Variants in IBTK observed in about 807,000 individuals in gnomAD.
IBTK encodes the protein inhibitor of Bruton tyrosine kinase.
A neutral mutation model predicts 154.9 loss-of-function variants in IBTK; 83 were observed. The observed-to-expected ratio is 0.54, with a 90% CI of 0.45 to 0.64. The LOEUF is 0.64. Among genes scored for constraint, IBTK ranks in the 30% least tolerant of loss-of-function variants. The probability of loss-of-function intolerance (pLI) is 0.00; values close to 1 mark genes in which losing one functional copy is unlikely to be tolerated. For missense variants in IBTK, 1,332 were observed against 1,584.6 expected (o/e 0.84, Z 2.71); for synonymous variants, 515 against 536.1 (o/e 0.96, Z 0.54).
At chr6:82,212,827 T>C in intron 12 of IBTK, 34 bp from the exon 13 acceptor site, 1 of 1,174,034 alleles carries the variant, frequency 8.5e-7, no homozygotes, top group Non-Finnish European at 1.3e-6. Context: ...ACAATTGATA[T>C]TCCCCTACAA....
intron 1 of IBTK, among the ~76,000 whole-genome samples, chr6:82,241,792 T>C (rs1442474434): frequency 6.6e-6 from 1 of 152,234 alleles, no homozygotes; most frequent in Admixed American, 6.5e-5. Context: ...CCTTAATGTG[T>C]AGTCTTTGGG....
intron 19 of IBTK, among the ~76,000 whole-genome samples, chr6:82,201,113 T>C (rs954184595): frequency 3.3e-5 from 5 of 152,138 alleles, no homozygotes; most frequent in Non-Finnish European, 7.4e-5. Flanking sequence ...ATTCATTTCT[T>C]AGGGATCATA....
chr6:82,170,244 GGATCAA>G lies in IBTK; in HGVS notation c.*1175_*1180del, dbSNP rs1767886999. On this transcript the variant is annotated 3_prime_UTR_variant, in exon 29 of 29. Transcript: ENST00000306270. ...AATGTCAAGCACACATTAGTGAAAT[GGATCAA>G]GATCATTTTTTATTGCACATCTGCT... 1.3e-5 allele frequency: 2 copies of G among 152,506 alleles called. No homozygotes were observed. The highest frequency in any genetic ancestry group is 2.9e-5 in the Non-Finnish European group (2 of 68,018). 9.4% of individuals were successfully genotyped at this position (152,506 alleles called of 1,614,324 possible).
intron 16 of IBTK, among the ~76,000 whole-genome samples, chr6:82,209,415 C>CA (rs1769542397): frequency 6.6e-6 from 1 of 152,022 alleles, no homozygotes; most frequent in Non-Finnish European, 1.5e-5. Flanking sequence ...TGCTACAACA[C>CA]AGATAAATTT....
intron 1 of IBTK, among the ~76,000 whole-genome samples, chr6:82,247,013 C>A (rs1451509764): frequency 1.3e-5 from 2 of 152,194 alleles, no homozygotes; most frequent in Non-Finnish European, 2.9e-5. Flanking sequence ...AGCCAGACAG[C>A]TCTGCCTGTT....
chr6:82,172,034 G>A (rs1767941015), intron 28 of IBTK, among the ~76,000 whole-genome samples: 1 of 152,042 alleles, frequency 6.6e-6, no homozygotes, highest in African/African-American at 2.4e-5. Context: ...GTGGGCTTCT[G>A]TTGCTTACAA....
intron 4 of IBTK, among the ~76,000 whole-genome samples, chr6:82,228,043 A>AAT (rs971597633): frequency 7.2e-5 from 11 of 151,810 alleles, no homozygotes; most frequent in African/African-American, 2.7e-4. Flanking sequence ...AGCAGTTTCA[A>AAT]ATATATATAT....
intron 9 of IBTK, among the ~76,000 whole-genome samples, chr6:82,218,991 T>C (rs1769971615): frequency 6.6e-6 from 1 of 152,218 alleles, no homozygotes; most frequent in African/African-American, 2.4e-5. Context: ...TCCAGAAGTA[T>C]AAGCTATATC....
chr6:82,184,445 A>ACC (rs1768466549), intron 25 of IBTK, among the ~76,000 whole-genome samples: 3 of 151,846 alleles, frequency 2.0e-5, no homozygotes, highest in Non-Finnish European at 4.4e-5. Flanking sequence ...CCACAAAGAA[A>ACC]AAGTATTCTT....
At chr6:82,211,909 TG>T in intron 13 of IBTK, among the ~76,000 whole-genome samples, 1 of 151,568 alleles carries the variant, frequency 6.6e-6, no homozygotes, top group South Asian at 2.1e-4. Context: ...GTAGCTAATC[TG>T]GGCCAAGCAC....
Position 82,224,149 on chromosome 6 carries a change from C to G in IBTK, c.862G>C (p.Gly288Arg). The G allele has an allele frequency of 6.2e-7, 1 of 1,614,020 alleles. No individual in the cohort carries two copies. The highest frequency in any genetic ancestry group is 8.5e-7 in the Non-Finnish European group (1 of 1,179,892). Residue 288 changes from glycine to arginine, a missense_variant, in exon 7 of 29, where the codon GGC becomes CGC. Coordinates refer to ENST00000306270, the MANE Select transcript of IBTK (RefSeq NM_015525.4). ...GTATGAAACCTGCCTGCTGCAACGCCAATGATTGTCCTTCCTTTCAGATAT... is the reference window on the plus strand; with the variant it reads ...GTATGAAACCTGCCTGCTGCAACGCGAATGATTGTCCTTCCTTTCAGATAT... ...AKYLKGRTIIGVAAGRFHTVL... is the reference protein window; with the variant it reads ...AKYLKGRTIIRVAAGRFHTVL...
intron 17 of IBTK, 122 bp from the exon 18 acceptor site, chr6:82,202,767 T>C (rs1769258103): frequency 1.7e-6 from 1 of 598,056 alleles, no homozygotes; most frequent in Non-Finnish European, 2.9e-6. Flanking sequence ...AAAAGTTTCT[T>C]GCCAAAAATA....
chr6:82,238,477 G>A (rs1437054695), intron 2 of IBTK, among the ~76,000 whole-genome samples: 1 of 151,688 alleles, frequency 6.6e-6, no homozygotes, highest in Non-Finnish European at 1.5e-5. Flanking sequence ...GTCCTCGGTT[G>A]CCCAGGCTGA....
chr6:82,219,298 C>T (rs1769985386), intron 9 of IBTK, among the ~76,000 whole-genome samples: 1 of 152,162 alleles, frequency 6.6e-6, no homozygotes, highest in African/African-American at 2.4e-5. Flanking sequence ...CTAGTTACTA[C>T]TATTAAAATC....
At chr6:82,227,107 G>GAAA in intron 5 of IBTK, 85 bp downstream of exon 5, 1 of 849,584 alleles carries the variant, frequency 1.2e-6, no homozygotes, top group Non-Finnish European at 1.9e-6. Flanking sequence ...CCTTACAGTT[G>GAAA]AAAAAAAAAT....
intron 3 of IBTK, among the ~76,000 whole-genome samples, chr6:82,233,388 A>G (rs968445608): frequency 2.0e-5 from 3 of 152,120 alleles, no homozygotes; most frequent in Non-Finnish European, 4.4e-5. Flanking sequence ...AACAAAAGGA[A>G]TAAAAATTTA....
Position 82,200,619 on chromosome 6 carries a change from C to G in IBTK, c.2880G>C (p.Leu960Phe), listed in dbSNP as rs753050688. The G allele has an allele frequency of 3.8e-6, 6 of 1,580,416 alleles. No individual in the cohort carries two copies. In the Admixed American group the frequency reaches 9.6e-5, roughly 25 times the overall value. ...YLEVEDGDIF[L>F]KEEINMEQNH... Reference sequence around the variant, plus strand: ...TTTGTTCCATATTTATTTCTTCTTTCAAGAAGATATCTCCATCTTCTACTT... The same window carrying G: ...TTTGTTCCATATTTATTTCTTCTTTGAAGAAGATATCTCCATCTTCTACTT... Residue 960 changes from leucine (L) to phenylalanine (F), a missense_variant, in exon 20 of 29, where the codon TTG becomes TTC. Physicochemically the swap from Leu to Phe is conservative, Grantham distance 22 (BLOSUM62 0). Around this residue, in one of 3 missense-constraint regions of IBTK, gnomAD observed 1,134 missense variants for 1,274.7 expected, o/e 0.89. Coordinates refer to ENST00000306270, the MANE Select transcript of IBTK (RefSeq NM_015525.4).
At chr6:82,223,701 A>G in intron 7 of IBTK, 81 bp from the exon 8 acceptor site, 1 of 1,232,656 alleles carries the variant, frequency 8.1e-7, no homozygotes, top group Non-Finnish European at 1.1e-6. Flanking sequence ...TCTCATGCCT[A>G]TAATCCCAGC....
chr6:82,196,194 T>G, intron 22 of IBTK, 104 bp downstream of exon 22: 1 of 934,824 alleles, frequency 1.1e-6, no homozygotes, highest in South Asian at 2.5e-5. Flanking sequence ...TATACCAACC[T>G]GGAAACTGTT....
Sources: allele counts gnomAD v4.1 joint callset (sites outside exome capture counted in the v4.1 genomes callset), GRCh38; gene constraint gnomAD v4.1.1; regional missense constraint gnomAD v4.1.1; transcripts MANE v1.5; gene names NCBI Gene and HGNC (gene_info 2026-07-23, HGNC 2026-07-21).